Variants in PRKDC observed in about 807,000 individuals in gnomAD.
PRKDC encodes DNA-dependent protein kinase catalytic subunit.
Under a neutral mutation model 486.9 loss-of-function variants are expected in PRKDC, and 82 were observed. The ratio of observed to expected loss-of-function variants is 0.17; its 90% CI spans 0.14 to 0.20. The LOEUF (loss-of-function observed/expected upper bound fraction) is 0.20. PRKDC is among the 10% of genes least tolerant of loss of function. The pLI is 1.00. For synonymous variants in PRKDC, 1,895 were observed against 1,837.0 expected, an observed-to-expected ratio of 1.03 and a Z score of -0.81; for missense variants, 4,504 against 5,038.2, an observed-to-expected ratio of 0.89 and a Z score of 3.21.
At chr8:47,937,082 C>CGT (rs946863376) in intron 11 of PRKDC, among the ~76,000 whole-genome samples, 4 of 147,980 alleles carry the variant, frequency 2.7e-5, no homozygotes, top group Non-Finnish European at 6.0e-5. Flanking sequence ...GGTGAAACCC[C>CGT]GTCTCTACTT....
At chr8:47,956,151 C>G (rs2090696521) in intron 3 of PRKDC, among the ~76,000 whole-genome samples, 1 of 152,186 alleles carries the variant, frequency 6.6e-6, no homozygotes, top group Non-Finnish European at 1.5e-5. Context: ...CACCTGAGGT[C>G]AGGAGTTCGA....
intron 63 of PRKDC, 56 bp downstream of exon 63, chr8:47,826,600 C>T (rs997162535): frequency 1.3e-5 from 20 of 1,505,086 alleles, no homozygotes; most frequent in African/African-American, 2.8e-5. Flanking sequence ...AAGTGTTTTC[C>T]GTATTGCTTT....
intron 25 of PRKDC, among the ~76,000 whole-genome samples, chr8:47,910,066 C>G (rs981597967): frequency 6.6e-6 from 1 of 152,148 alleles, no homozygotes; most frequent in Non-Finnish European, 1.5e-5. Context: ...TTTTGCGGCT[C>G]GGGGTTGTCA....
Position 47,773,492 on chromosome 8 carries a change from G to GGAATA in PRKDC, c.*676_*680dup, listed in dbSNP as rs1184101863. ...TTTATGTATCTTCCAGTTGTAGATT[G>GGAATA]GAATAGCAAAAGTGAATGCTATGAC... On this transcript the variant is annotated 3_prime_UTR_variant, in exon 86 of 86. Transcript: ENST00000314191. The GGAATA allele has an allele frequency of 2.0e-4, 45 of 219,596 alleles. No individual in the cohort carries two copies. Among genetic ancestry groups the GGAATA allele is most frequent in the African/African-American group, 9.6e-4 (43 of 44,728 alleles). 13.6% of individuals were successfully genotyped at this position (219,596 alleles called of 1,614,324 possible).
At chr8:47,915,557 T>C (rs2089970614) in intron 22 of PRKDC, 139 bp from the exon 23 acceptor site, 2 of 557,262 alleles carry the variant, frequency 3.6e-6, no homozygotes, top group South Asian at 5.3e-5. Context: ...GCAGGATCCT[T>C]TCCACTCTTA....
At chr8:47,880,575 T>C (rs1306396588) in intron 38 of PRKDC, among the ~76,000 whole-genome samples, 1 of 152,170 alleles carries the variant, frequency 6.6e-6, no homozygotes, top group Non-Finnish European at 1.5e-5. Context: ...ACTTTAAAAT[T>C]AGTAACCCTT....
At chr8:47,831,599 C>T (rs537455187) in intron 60 of PRKDC, among the ~76,000 whole-genome samples, 12 of 152,098 alleles carry the variant, frequency 7.9e-5, no homozygotes, top group Non-Finnish European at 1.5e-4. Flanking sequence ...CACTTCCACC[C>T]GCGGAGAGAA....
At chr8:47,893,003 G>A (rs2089495148) in intron 31 of PRKDC, 136 bp downstream of exon 31, 2 of 979,144 alleles carry the variant, frequency 2.0e-6, no homozygotes, top group Non-Finnish European at 2.8e-6. Context: ...CCCTTGCAGA[G>A]AAGTGACATG....
At chr8:47,917,904 G>C (rs1234202167) in intron 22 of PRKDC, among the ~76,000 whole-genome samples, 1 of 152,176 alleles carries the variant, frequency 6.6e-6, no homozygotes, top group Non-Finnish European at 1.5e-5. Flanking sequence ...GGAGTGCAGT[G>C]GTGTGATCTT....
chr8:47,943,488 C>T, intron 9 of PRKDC, 122 bp from the exon 10 acceptor site: 1 of 1,010,068 alleles, frequency 9.9e-7, no homozygotes, highest in South Asian at 1.9e-5. Context: ...TACCATTACA[C>T]TACAGTAACC....
intron 54 of PRKDC, among the ~76,000 whole-genome samples, chr8:47,847,874 A>AAT (rs34432546): frequency 0.067 from 9,810 of 146,048 alleles, 343 homozygotes; most frequent in East Asian, 0.099. Flanking sequence ...GCGGCCAACA[A>AAT]ATATATATAT....
rs1290541476 is a variant in PRKDC, at chr8:47,898,528, G to A, written c.3406C>T (p.Arg1136Cys). ...GAAACATGCTTCTTTTCAATGATGC[G>A]GCATAGGTGATCAATGGCATCACAA... ...QCCDAIDHLCRIIEKKHVSLN... is the reference protein window; with the variant it reads ...QCCDAIDHLCCIIEKKHVSLN... The change falls in exon 29 of 86, where the codon CGC becomes TGC. Residue 1136 changes from arginine to cysteine, a missense_variant. By Grantham distance (180) the Arg-to-Cys change is radical. Coordinates refer to ENST00000314191, the MANE Select transcript of PRKDC (RefSeq NM_006904.7). 23 of 1,543,478 alleles carry A rather than the reference G, an allele frequency of 1.5e-5. No individual in the cohort carries two copies. The highest frequency in any genetic ancestry group is 2.3e-5 in the East Asian group (1 of 43,344).
At chr8:47,876,164 T>C (rs531868892) in intron 40 of PRKDC, among the ~76,000 whole-genome samples, 1 of 152,314 alleles carries the variant, frequency 6.6e-6, no homozygotes, top group Non-Finnish European at 1.5e-5. Flanking sequence ...AAATGTTATA[T>C]GGTGCTGGTT....
chr8:47,897,129 T>C, intron 30 of PRKDC, 32 bp downstream of exon 30: 1 of 1,550,522 alleles, frequency 6.4e-7, no homozygotes, highest in South Asian at 1.2e-5. Context: ...TAAAGCACCG[T>C]GGTGAAATTA....
intron 69 of PRKDC, among the ~76,000 whole-genome samples, chr8:47,804,188 G>C (rs1407565445): frequency 1.3e-5 from 2 of 151,880 alleles, no homozygotes; most frequent in Non-Finnish European, 2.9e-5. Flanking sequence ...TTTGTGTCTC[G>C]CATCTTTTAC....
At chr8:47,912,890 AT>A (rs1427109321) in intron 24 of PRKDC, among the ~76,000 whole-genome samples, 8 of 152,220 alleles carry the variant, frequency 5.3e-5, no homozygotes, top group Admixed American at 5.2e-4. Context: ...AAGTAAAAAT[AT>A]TTTTTGAAGC....
intron 50 of PRKDC, among the ~76,000 whole-genome samples, chr8:47,855,019 C>T (rs943593977): frequency 6.6e-6 from 1 of 152,212 alleles, no homozygotes; most frequent in African/African-American, 2.4e-5. Flanking sequence ...CAGAGGCAAG[C>T]TGAGGCGGAG....
rs543848753 is a variant in PRKDC, at chr8:47,846,921, T to TA, written c.7280+2232dup. ...CTATTTACAATAGCAAAGAAAAGAATAAAACACCTAAGAATACAGCTAACC... is the reference window on the plus strand; with the variant it reads ...CTATTTACAATAGCAAAGAAAAGAATAAAAACACCTAAGAATACAGCTAACC... On this transcript the variant is annotated intron_variant, in intron 54 of 85. Transcript: ENST00000314191. Among the ~76,000 whole-genome samples, 447 of 152,028 alleles carry TA rather than the reference T, an allele frequency of 2.9e-3. 3 individuals are homozygous for TA. Among genetic ancestry groups the TA allele is most frequent in the African/African-American group, 0.01 (420 of 41,456 alleles).
intron 58 of PRKDC, among the ~76,000 whole-genome samples, chr8:47,835,660 C>T (rs1233723631): frequency 9.2e-6 from 1 of 109,244 alleles, no homozygotes; most frequent in African/African-American, 3.4e-5. Flanking sequence ...GGAAAATATA[C>T]ATAAAATTTA....
Sources: allele counts gnomAD v4.1 joint callset (sites outside exome capture counted in the v4.1 genomes callset), GRCh38; gene constraint gnomAD v4.1.1; transcripts MANE v1.5; gene names NCBI Gene and HGNC (gene_info 2026-07-23, HGNC 2026-07-21).